The following CDH5 variants were observed in gnomAD, a reference collection of about 807,000 sequenced individuals.
The protein encoded by CDH5 is cadherin 5.
A neutral mutation model predicts 62.0 loss-of-function variants in CDH5; 28 were observed. The ratio of observed to expected loss-of-function variants is 0.45; its 90% CI spans 0.33 to 0.62. The LOEUF (loss-of-function observed/expected upper bound fraction) is 0.62, where lower values mean the gene tolerates loss of function less well. CDH5 is among the 20% of genes least tolerant of loss of function. The pLI, the probability that CDH5 is intolerant of heterozygous loss-of-function variation, is 0.02. For synonymous variants in CDH5, 464 were observed against 445.8 expected, an observed-to-expected ratio of 1.04 and a Z score of -0.52; for missense variants, 940 against 1,065.1, an observed-to-expected ratio of 0.88 and a Z score of 1.63.
intron 2 of CDH5, among the ~76,000 whole-genome samples, chr16:66,384,076 G>A (rs1156922548): frequency 8.0e-6 from 1 of 124,754 alleles, no homozygotes; most frequent in African/African-American, 3.1e-5. Context: ...GAGGAGTCCA[G>A]CCTTTTTTTT....
chr16:66,389,425 A>AGC lies in CDH5; in HGVS notation c.688_689dup (p.Asp231GlufsTer63). 1 of 1,613,538 alleles carries AGC rather than the reference A, an allele frequency of 6.2e-7. No individual in the cohort carries two copies. Among genetic ancestry groups the AGC allele is most frequent in the Non-Finnish European group, 8.5e-7 (1 of 1,179,684 alleles). ...AGGCCAGGTATGAGATCGTGGTGGA[A>AGC]GCGCGAGATGCCCAGGGCCTCCGGG... On this transcript the variant is annotated frameshift_variant, in exon 5 of 12. Transcript: ENST00000341529. LOFTEE classifies it high-confidence loss of function.
rs1351027801 is a variant in CDH5 at position 66,388,369 on chromosome 16, C to G, written c.545C>G (p.Thr182Ser). Residue 182 changes from threonine to serine, a missense_variant, in exon 4 of 12, where the codon ACT becomes AGT. By Grantham distance (58) the Thr-to-Ser change is moderately conservative. Transcript: ENST00000341529. Reference sequence around the variant, plus strand: ...ACAGCAGTGGATGCAGACGACCCCACTGTGGGAGACCACGCCTCTGTCATG... The same window carrying G: ...ACAGCAGTGGATGCAGACGACCCCAGTGTGGGAGACCACGCCTCTGTCATG... ...SVTAVDADDPTVGDHASVMYQ... is the reference protein window; with the variant it reads ...SVTAVDADDPSVGDHASVMYQ... 1 of 1,613,984 alleles carries G rather than the reference C, an allele frequency of 6.2e-7. No homozygotes were observed. The highest frequency in any genetic ancestry group is 1.3e-5 in the African/African-American group (1 of 74,938).
chr16:66,382,688 C>G (rs746818921), intron 2 of CDH5, among the ~76,000 whole-genome samples: 12 of 152,050 alleles, frequency 7.9e-5, no homozygotes, highest in Admixed American at 1.3e-4. Context: ...TTCACTTGGC[C>G]CCTGGCATGG....
intron 3 of CDH5, among the ~76,000 whole-genome samples, chr16:66,387,723 G>A (rs185164910): frequency 3.5e-4 from 54 of 152,340 alleles, no homozygotes; most frequent in South Asian, 8.3e-4. Context: ...GTCATGGCCT[G>A]CCACTAAGGC....
intron 2 of CDH5, among the ~76,000 whole-genome samples, chr16:66,386,307 T>C (rs1960982053): frequency 6.6e-6 from 1 of 151,738 alleles, no homozygotes; most frequent in Non-Finnish European, 1.5e-5. Flanking sequence ...TTTTCAGGGG[T>C]ACATGTCCAT....
chr16:66,374,481 A>G (rs1960749251), intron 1 of CDH5, among the ~76,000 whole-genome samples: 1 of 152,212 alleles, frequency 6.6e-6, no homozygotes. Context: ...CATGTGCTCC[A>G]AGGGACTTCT....
chr16:66,399,206 G>A lies in CDH5; in HGVS notation c.1591+645G>A, dbSNP rs530972668. 1.6e-4 allele frequency among the ~76,000 whole-genome samples: 24 copies of A among 152,318 alleles called. No homozygotes were observed. In the South Asian group the frequency reaches 3.7e-3, roughly 24 times the overall value. On this transcript the variant is annotated intron_variant, in intron 10 of 11. Coordinates refer to ENST00000341529, the MANE Select transcript of CDH5 (RefSeq NM_001795.5). Reference sequence around the variant, plus strand: ...TTACTCACGATTAGCAGGGTGGCCCGTGTGATGGCATTAGCAGCCAATCAG... The same window carrying A: ...TTACTCACGATTAGCAGGGTGGCCCATGTGATGGCATTAGCAGCCAATCAG...
At chr16:66,367,090 G>A (rs1247780126) in intron 1 of CDH5, among the ~76,000 whole-genome samples, 3 of 152,250 alleles carry the variant, frequency 2.0e-5, no homozygotes, top group Non-Finnish European at 4.4e-5. Flanking sequence ...TGCCCCAGTT[G>A]CCCAGCATGC....
intron 7 of CDH5, chr16:66,395,487 A>C (rs1961163183): frequency 7.2e-6 from 1 of 138,340 alleles, no homozygotes; most frequent in Non-Finnish European, 1.5e-5. Flanking sequence ...TCTTCAGATC[A>C]GGAAACTTTT....
rs143592308 is a variant in CDH5, at chr16:66,389,416, C to G, written c.675C>G (p.Ile225Met). Residue 225 changes from isoleucine to methionine, a missense_variant, in exon 5 of 12, where the codon ATC (isoleucine) becomes ATG (methionine). Physicochemically the swap from Ile to Met is conservative, Grantham distance 10 (BLOSUM62 1). Transcript: ENST00000341529. Reference protein sequence around the residue: ...LDREKQARYEIVVEARDAQGL... With the variant: ...LDREKQARYEMVVEARDAQGL... Reference sequence around the variant, plus strand: ...GAGAGAAGCAGGCCAGGTATGAGATCGTGGTGGAAGCGCGAGATGCCCAGG... The same window carrying G: ...GAGAGAAGCAGGCCAGGTATGAGATGGTGGTGGAAGCGCGAGATGCCCAGG... The G allele has an allele frequency of 6.2e-7, 1 of 1,613,452 alleles. No individual in the cohort carries two copies. Among genetic ancestry groups the G allele is most frequent in the East Asian group, 2.2e-5 (1 of 44,832 alleles).
At position 66,379,374 on chromosome 16, in the gene CDH5, G is replaced by A. The variant is rs571147218; in HGVS notation, c.37G>A (p.Ala13Thr). ...RLMMLLATSG[A>T]CLGLLAVAAV... Reference sequence around the variant, plus strand: ...CATGATGCTCCTCGCCACATCGGGCGCCTGCCTGGGCCTGCTGGCAGTGGC... The same window carrying A: ...CATGATGCTCCTCGCCACATCGGGCACCTGCCTGGGCCTGCTGGCAGTGGC... The change falls in exon 2 of 12, where the codon GCC (alanine) becomes ACC (threonine). Residue 13 changes from alanine to threonine, a missense_variant. Physicochemically the swap from Ala to Thr is moderately conservative, Grantham distance 58. Coordinates refer to ENST00000341529, the MANE Select transcript of CDH5 (RefSeq NM_001795.5). The A allele has an allele frequency of 1.3e-5, 21 of 1,613,194 alleles. No homozygotes were observed. Among genetic ancestry groups the A allele is most frequent in the South Asian group, 6.6e-5 (6 of 91,048 alleles).
intron 11 of CDH5, among the ~76,000 whole-genome samples, chr16:66,402,357 A>ACGGCAG (rs1376642808): frequency 1.4e-5 from 2 of 140,914 alleles, no homozygotes; most frequent in African/African-American, 5.4e-5. Flanking sequence ...GTGTGGGGGA[A>ACGGCAG]CGGCAGCGGT....
At chr16:66,381,837 C>A (rs1201972685) in intron 2 of CDH5, among the ~76,000 whole-genome samples, 1 of 152,222 alleles carries the variant, frequency 6.6e-6, no homozygotes, top group African/African-American at 2.4e-5. Flanking sequence ...TGCTTTCATG[C>A]TACAATGGCA....
At chr16:66,391,887 C>T (rs936399245) in intron 6 of CDH5, among the ~76,000 whole-genome samples, 2 of 152,196 alleles carry the variant, frequency 1.3e-5, no homozygotes, top group African/African-American at 4.8e-5. Flanking sequence ...GAAATAGGGC[C>T]AGGCACACAG....
At position 66,392,303 on chromosome 16, in the gene CDH5, C is replaced by G; in HGVS notation, c.1137C>G (p.Phe379Leu). Residue 379 changes from phenylalanine (F) to leucine (L), a missense_variant, in exon 7 of 12, where the codon TTC becomes TTG. Phe to Leu is a conservative substitution (Grantham distance 22). Coordinates refer to ENST00000341529, the MANE Select transcript of CDH5 (RefSeq NM_001795.5). ...PPIFQQPFYHFQLKENQKKPL... is the reference protein window; with the variant it reads ...PPIFQQPFYHLQLKENQKKPL... ...TTTTCCAGCAGCCTTTCTACCACTT[C>G]CAGCTGAAGGAAAACCAGAAGAAGC... 1 of 1,614,160 alleles carries G rather than the reference C, an allele frequency of 6.2e-7. No homozygotes were observed. The highest frequency in any genetic ancestry group is 8.5e-7 in the Non-Finnish European group (1 of 1,180,024).
rs368894821 is a variant in CDH5 at position 66,389,360 on chromosome 16, C to T, written c.619C>T (p.Arg207Cys). 9.0e-5 allele frequency: 144 copies of T among 1,607,700 alleles called. No individual in the cohort carries two copies. Among genetic ancestry groups the T allele is most frequent in the Middle Eastern group, 1.7e-4 (1 of 6,060 alleles). The change falls in exon 5 of 12, where the codon CGT (arginine) becomes TGT (cysteine). Residue 207 changes from arginine (R) to cysteine (C), a missense_variant and splice_region_variant. Coordinates refer to ENST00000341529, the MANE Select transcript of CDH5 (RefSeq NM_001795.5). ...TCCTGCTGGGAATCTTTTTGCAGGA[C>T]GTATTATCACAATAACGAAAAGCTT... Reference protein sequence around the residue: ...KEYFAIDNSGRIITITKSLDR... With the variant: ...KEYFAIDNSGCIITITKSLDR...
intron 1 of CDH5, among the ~76,000 whole-genome samples, chr16:66,375,191 G>T (rs1960763187): frequency 6.6e-6 from 1 of 152,138 alleles, no homozygotes; most frequent in African/African-American, 2.4e-5. Context: ...TAACACGACA[G>T]CAAGTATTGA....
At chr16:66,390,334 G>C in intron 5 of CDH5, 69 bp from the exon 6 acceptor site, 2 of 1,175,004 alleles carry the variant, frequency 1.7e-6, no homozygotes, top group Non-Finnish European at 2.4e-6. Context: ...TGTTAGAATA[G>C]CTGAAAGAGG....
rs375308404 is a variant in CDH5, at chr16:66,402,813, C to A, written c.1999C>A (p.Arg667Ser). 3 of 1,599,102 alleles carry A rather than the reference C, an allele frequency of 1.9e-6. No homozygotes were observed. Among genetic ancestry groups the A allele is most frequent in the South Asian group, 2.2e-5 (2 of 89,166 alleles). ...SYDVSVLNSV[R>S]RGGAKPPRPA... ...CGATGTGTCGGTGCTCAACTCGGTG[C>A]GCCGCGGCGGGGCCAAGCCCCCGCG... The change falls in exon 12 of 12, where the codon CGC becomes AGC. Residue 667 changes from arginine (R) to serine (S), a missense_variant. Arg to Ser is a moderately radical substitution (Grantham distance 110). Coordinates refer to ENST00000341529, the MANE Select transcript of CDH5 (RefSeq NM_001795.5).
Sources: allele counts gnomAD v4.1 joint callset (sites outside exome capture counted in the v4.1 genomes callset), GRCh38; gene constraint gnomAD v4.1.1; transcripts MANE v1.5; gene names NCBI Gene and HGNC (gene_info 2026-07-23, HGNC 2026-07-21).